ENPP3: variants seen among roughly 807,000 people sequenced by gnomAD.
ENPP3 encodes ectonucleotide pyrophosphatase/phosphodiesterase family member 3.
Under a neutral mutation model 117.8 loss-of-function variants are expected in ENPP3, and 104 were observed. The ratio of observed to expected loss-of-function variants is 0.88; its 90% CI spans 0.75 to 1.04. ENPP3 has a LOEUF of 1.04. Among genes scored for constraint, ENPP3 ranks in the 50% least tolerant of loss-of-function variants. ENPP3 has a pLI of 0.00. For missense variants in ENPP3, 1,026 were observed against 1,051.9 expected (o/e 0.98, Z 0.34); for synonymous variants, 380 against 349.9 (o/e 1.09, Z -0.96).
At chr6:131,647,917 T>C (rs1778183632) in intron 2 of ENPP3, among the ~76,000 whole-genome samples, 1 of 152,170 alleles carries the variant, frequency 6.6e-6, no homozygotes, top group Admixed American at 6.5e-5. Context: ...CATCACATTA[T>C]TGTATATTCT....
At chr6:131,727,086 G>C (rs991939491) in intron 20 of ENPP3, among the ~76,000 whole-genome samples, 1 of 152,150 alleles carries the variant, frequency 6.6e-6, no homozygotes, top group Non-Finnish European at 1.5e-5. Flanking sequence ...TATCTGCATT[G>C]CATATAAGAA....
At chr6:131,638,891 G>T (rs183180819) in intron 1 of ENPP3, among the ~76,000 whole-genome samples, 25 of 150,660 alleles carry the variant, frequency 1.7e-4, no homozygotes, top group African/African-American at 5.8e-4. Flanking sequence ...TTGAACCCTG[G>T]GCTCAAGTGA....
intron 1 of ENPP3, among the ~76,000 whole-genome samples, chr6:131,639,734 G>A (rs1455869330): frequency 6.6e-6 from 1 of 152,064 alleles, no homozygotes; most frequent in Non-Finnish European, 1.5e-5. Context: ...TCCCCACTTT[G>A]TGCACAGTGT....
chr6:131,709,503 A>C (rs763326066), intron 15 of ENPP3: 5 of 1,613,606 alleles, frequency 3.1e-6, no homozygotes, highest in Non-Finnish European at 4.2e-6. Flanking sequence ...CATCGAGTGC[A>C]TTAGGATCTT....
chr6:131,678,995 TTCCTTGCTTCCTTCCTTCCTTCCTTCC>T (rs2114402382), intron 11 of ENPP3, among the ~76,000 whole-genome samples: 1 of 109,836 alleles, frequency 9.1e-6, no homozygotes, highest in African/African-American at 5.3e-5. Flanking sequence ...CCTTCCTTCC[TTCCTTGCTTCCTTCCTTCCTTCCTTCC>T]TTCCTTCTTT....
intron 9 of ENPP3, among the ~76,000 whole-genome samples, chr6:131,676,426 T>C (rs2286454): frequency 0.23 from 35,054 of 152,132 alleles, 5,809 homozygotes; most frequent in African/African-American, 0.45. Context: ...AAATGTTCAA[T>C]ATATGCATAT....
At chr6:131,724,715 G>A (rs1489860360) in intron 19 of ENPP3, among the ~76,000 whole-genome samples, 1 of 152,128 alleles carries the variant, frequency 6.6e-6, no homozygotes, top group Non-Finnish European at 1.5e-5. Flanking sequence ...AAATGTACTA[G>A]TTGTTTTGAT....
intron 15 of ENPP3, among the ~76,000 whole-genome samples, chr6:131,717,242 A>G (rs1438289326): frequency 6.6e-6 from 1 of 151,880 alleles, no homozygotes; most frequent in Admixed American, 6.6e-5. Flanking sequence ...TTTAAACTGA[A>G]TTAGAGTCAG....
intron 12 of ENPP3, 132 bp downstream of exon 12, chr6:131,683,294 A>G (rs1387083798): frequency 5.1e-6 from 3 of 591,776 alleles, no homozygotes; most frequent in Non-Finnish European, 8.9e-6. Context: ...GCAAGGAATG[A>G]ATTGTGGTAG....
At chr6:131,729,075 G>C (rs531087988) in intron 20 of ENPP3, among the ~76,000 whole-genome samples, 1 of 151,880 alleles carries the variant, frequency 6.6e-6, no homozygotes, top group African/African-American at 2.4e-5. Flanking sequence ...TGTATCTCTC[G>C]CTCTATTTAC....
intron 3 of ENPP3, among the ~76,000 whole-genome samples, chr6:131,651,896 G>A (rs1256545364): frequency 1.3e-5 from 2 of 152,202 alleles, no homozygotes; most frequent in African/African-American, 4.8e-5. Context: ...GAGAATGTTT[G>A]TCTAAGCACA....
At chr6:131,642,873 C>T (rs1167882775) in intron 2 of ENPP3, 6 of 152,210 alleles carry the variant, frequency 3.9e-5, no homozygotes, top group African/African-American at 1.4e-4. Context: ...TGCCCAGCAC[C>T]CTCACCCTAT....
intron 23 of ENPP3, 150 bp from the exon 24 acceptor site, chr6:131,740,074 G>A (rs545866251): frequency 1.9e-6 from 1 of 538,638 alleles, no homozygotes; most frequent in Non-Finnish European, 3.0e-6. Context: ...TATTTAAAAA[G>A]TACCTAGCAT....
chr6:131,722,238 A>C lies in ENPP3; in HGVS notation c.1579A>C (p.Ile527Leu). 1 of 1,612,492 alleles carries C rather than the reference A, an allele frequency of 6.2e-7. No individual in the cohort carries two copies. Among genetic ancestry groups the C allele is most frequent in the Non-Finnish European group, 8.5e-7 (1 of 1,179,564 alleles). ...VYNLMCDLLR[I>L]QPAPNNGTHG... ...TTTTCAAAAAACAGATCTTCTACGC[A>C]TTCAACCAGCACCAAACAATGGAAC... Residue 527 changes from isoleucine to leucine, a missense_variant, in exon 18 of 25, where the codon ATT (isoleucine) becomes CTT (leucine). Physicochemically the swap from Ile to Leu is conservative, Grantham distance 5. Transcript: ENST00000357639.
chr6:131,725,516 T>G (rs1181261908), intron 19 of ENPP3, among the ~76,000 whole-genome samples: 1 of 152,054 alleles, frequency 6.6e-6, no homozygotes, highest in Non-Finnish European at 1.5e-5. Flanking sequence ...CTTAATCACC[T>G]CCTAAAGGTC....
chr6:131,723,905 T>C, intron 18 of ENPP3, 135 bp from the exon 19 acceptor site: 1 of 641,610 alleles, frequency 1.6e-6, no homozygotes, highest in Non-Finnish European at 2.8e-6. Context: ...AGAATCAGAA[T>C]CTTAAGTTAG....
rs1778879509 is a variant in ENPP3, at chr6:131,676,860, A to G, written c.938+59A>G. The G allele has an allele frequency of 1.9e-5, 22 of 1,138,514 alleles. 1 individual carries two copies. The highest frequency in any genetic ancestry group is 2.6e-5 in the Non-Finnish European group (20 of 778,868). The allele number at this position is 1,138,514 out of a possible 1,614,324, so 70.5% of individuals were successfully genotyped here. On this transcript the variant is annotated intron_variant, in intron 10 of 24. Coordinates refer to ENST00000357639, the MANE Select transcript of ENPP3 (RefSeq NM_005021.5). ...TGGCATATATATGGGTAAAAAATGA[A>G]GTTTTTTTTTTTTTACTTTAAATTA...
At chr6:131,682,993 T>A in intron 11 of ENPP3, 61 bp from the exon 12 acceptor site, 2 of 999,186 alleles carry the variant, frequency 2.0e-6, no homozygotes, top group South Asian at 2.6e-5. Context: ...CTTCATTAGA[T>A]AACGGTTTGG....
intron 22 of ENPP3, among the ~76,000 whole-genome samples, chr6:131,737,815 C>A (rs529944155): frequency 1.3e-5 from 2 of 152,160 alleles, no homozygotes; most frequent in South Asian, 4.1e-4. Flanking sequence ...GCATATTTAA[C>A]TGTAATTTCA....
Sources: gnomAD v4.1 joint callset for allele counts (sites outside exome capture counted in the v4.1 genomes callset) on GRCh38, gnomAD v4.1.1 for gene constraint, MANE v1.5 for transcripts, NCBI Gene and HGNC (gene_info 2026-07-23, HGNC 2026-07-21) for gene names.